The following PTCHD4 variants were observed in gnomAD, a reference collection of about 807,000 sequenced individuals.
The protein encoded by PTCHD4 is patched domain containing 4.
PTCHD4 carries 33 observed loss-of-function variants against 58.1 expected under a neutral mutation model. The ratio of observed to expected loss-of-function variants is 0.57; its 90% confidence interval spans 0.43 to 0.76. The LOEUF (loss-of-function observed/expected upper bound fraction) is 0.76. PTCHD4 is among the 30% of genes least tolerant of loss of function. The pLI is 0.00. For synonymous variants in PTCHD4, 478 were observed against 409.6 expected (o/e 1.17, Z -2.02); for missense variants, 1,058 against 1,027.1 (o/e 1.03, Z -0.41).
intron 4 of PTCHD4, among the ~76,000 whole-genome samples, chr6:47,933,819 C>T (rs892450038): frequency 6.6e-6 from 1 of 152,070 alleles, no homozygotes; most frequent in Non-Finnish European, 1.5e-5. Flanking sequence ...TAAACAATAA[C>T]TGAATTTACC....
chr6:47,947,494 A>G (rs1416742443), intron 4 of PTCHD4, among the ~76,000 whole-genome samples: 1 of 151,944 alleles, frequency 6.6e-6, no homozygotes, highest in African/African-American at 2.4e-5. Context: ...ATCTTTACTA[A>G]ACTCAGTATA....
At chr6:47,954,793 C>G (rs184959686) in intron 4 of PTCHD4, among the ~76,000 whole-genome samples, 1 of 152,240 alleles carries the variant, frequency 6.6e-6, no homozygotes, top group African/African-American at 2.4e-5. Flanking sequence ...TTTATTTACC[C>G]ATCCCTTGGC....
rs1199207894 is a variant in PTCHD4 at position 48,068,714 on chromosome 6, TC to T, written c.6-74del. ...CCCCCATCCCACCCCCTGGGGCCAGTCCCCCCTCCCCACCGCCGCCGCCTCC... is the reference window on the plus strand; with the variant it reads ...CCCCCATCCCACCCCCTGGGGCCAGTCCCCCTCCCCACCGCCGCCGCCTCC... On this transcript the variant is annotated intron_variant, in intron 2 of 4. Coordinates refer to ENST00000339488, the MANE Select transcript of PTCHD4 (RefSeq NM_001384253.1). The surrounding 1 kb of genome is among the most constrained non-coding windows in gnomAD (Gnocchi z 4.2). 3.0e-6 allele frequency: 4 copies of T among 1,342,816 alleles called. No homozygotes were observed. Among genetic ancestry groups the T allele is most frequent in the Non-Finnish European group, 3.9e-6 (4 of 1,032,866 alleles). 83.2% of individuals were successfully genotyped at this position (1,342,816 alleles called of 1,614,324 possible).
At chr6:47,910,445 G>A (rs1405500913) in intron 4 of PTCHD4, among the ~76,000 whole-genome samples, 1 of 152,038 alleles carries the variant, frequency 6.6e-6, no homozygotes, top group African/African-American at 2.4e-5. Flanking sequence ...CTCATTGTGT[G>A]TTTATTTTTT....
In PTCHD4 at chr6:47,859,640, A is replaced by AG. The variant is rs1178874128; in HGVS notation, c.*18662_*18663insC. Among the ~76,000 whole-genome samples the AG allele has an allele frequency of 6.6e-6, 1 of 151,612 alleles. No homozygotes were observed. The highest frequency in any genetic ancestry group is 6.6e-5 in the Admixed American group (1 of 15,196). On this transcript the variant is annotated 3_prime_UTR_variant, in exon 5 of 5. Coordinates refer to ENST00000339488, the MANE Select transcript of PTCHD4 (RefSeq NM_001384253.1). ...GGCTTATAGCAGTTTACAGAGCAGA[A>AG]AAATATCTCTGCCCCCTTAGAGCTT...
At chr6:48,107,090 G>GA (rs1765747151) in intron 1 of PTCHD4, among the ~76,000 whole-genome samples, 1 of 151,472 alleles carries the variant, frequency 6.6e-6, no homozygotes, top group Admixed American at 6.6e-5. Flanking sequence ...CACAGAATTG[G>GA]AAAAAACTAC....
intron 3 of PTCHD4, among the ~76,000 whole-genome samples, chr6:48,067,898 G>A (rs1446332366): frequency 6.6e-6 from 1 of 151,542 alleles, no homozygotes; most frequent in Admixed American, 6.6e-5. Context: ...TTCATTGCCT[G>A]TTTTCTTCAC....
In PTCHD4 at chr6:48,111,073, C is replaced by T. The variant is rs1340757706; in HGVS notation, c.-994G>A. On this transcript the variant is annotated 5_prime_UTR_variant, in exon 1 of 5. Coordinates refer to ENST00000339488, the MANE Select transcript of PTCHD4 (RefSeq NM_001384253.1). ...CCTTCTGGCTTTCGGTTTGGATTGGCGCATGGAGGCAACAACAGAATTGGA... is the reference window on the plus strand; with the variant it reads ...CCTTCTGGCTTTCGGTTTGGATTGGTGCATGGAGGCAACAACAGAATTGGA... Among the ~76,000 whole-genome samples the T allele has an allele frequency of 1.3e-5, 2 of 151,826 alleles. No homozygotes were observed. Among genetic ancestry groups the T allele is most frequent in the Non-Finnish European group, 2.9e-5 (2 of 67,978 alleles).
intron 4 of PTCHD4, among the ~76,000 whole-genome samples, chr6:47,976,243 G>A (rs1253040657): frequency 6.6e-6 from 1 of 152,156 alleles, no homozygotes; most frequent in Non-Finnish European, 1.5e-5. Flanking sequence ...GAGAAAGAAT[G>A]AATTCCTTAG....
At chr6:48,086,305 T>A (rs970588019) in intron 1 of PTCHD4, among the ~76,000 whole-genome samples, 5 of 152,206 alleles carry the variant, frequency 3.3e-5, no homozygotes, top group African/African-American at 1.2e-4. Context: ...TATTCTTTTC[T>A]TATATTCTTA....
chr6:47,988,071 C>G (rs186570315), intron 4 of PTCHD4, among the ~76,000 whole-genome samples: 2 of 152,122 alleles, frequency 1.3e-5, no homozygotes, highest in Non-Finnish European at 2.9e-5. Flanking sequence ...GCCACTGTGC[C>G]TGACCCCAGT....
At chr6:47,949,247 G>C (rs1766535109) in intron 4 of PTCHD4, among the ~76,000 whole-genome samples, 1 of 152,134 alleles carries the variant, frequency 6.6e-6, no homozygotes, top group African/African-American at 2.4e-5. Flanking sequence ...AGCATCCATG[G>C]GAAGGTTTGA....
At chr6:47,995,602 C>T (rs947599980) in intron 4 of PTCHD4, among the ~76,000 whole-genome samples, 8 of 152,162 alleles carry the variant, frequency 5.3e-5, no homozygotes, top group African/African-American at 1.4e-4. Context: ...AAAACAATTT[C>T]TTGACCCATA....
intron 4 of PTCHD4, among the ~76,000 whole-genome samples, chr6:47,960,480 CAT>C (rs1466134820): frequency 6.6e-6 from 1 of 151,880 alleles, no homozygotes; most frequent in African/African-American, 2.4e-5. Context: ...TAAATATAAA[CAT>C]ACGAGTATGT....
chr6:47,949,601 G>A (rs900972207), intron 4 of PTCHD4, among the ~76,000 whole-genome samples: 2 of 152,002 alleles, frequency 1.3e-5, no homozygotes, highest in Non-Finnish European at 2.9e-5. Flanking sequence ...CTGTGTCCTT[G>A]ACTCAAGGTC....
intron 3 of PTCHD4, among the ~76,000 whole-genome samples, chr6:48,042,385 G>A (rs1763877474): frequency 6.6e-6 from 1 of 151,926 alleles, no homozygotes; most frequent in South Asian, 2.1e-4. Context: ...CTTTCTTCCA[G>A]AAATATTAGT....
intron 4 of PTCHD4, among the ~76,000 whole-genome samples, chr6:47,918,077 A>T (rs1341845721): frequency 6.6e-6 from 1 of 152,110 alleles, no homozygotes; most frequent in Non-Finnish European, 1.5e-5. Context: ...GACTCAACAC[A>T]GATGTTATCT....
At chr6:48,048,018 T>TAAAAAAAAA (rs34442679) in intron 3 of PTCHD4, among the ~76,000 whole-genome samples, 1 of 127,736 alleles carries the variant, frequency 7.8e-6, no homozygotes. Flanking sequence ...AGCATTCTAG[T>TAAAAAAAAA]AAAAAAAAAA....
At chr6:48,038,474 TC>T (rs1763726493) in intron 3 of PTCHD4, among the ~76,000 whole-genome samples, 1 of 151,600 alleles carries the variant, frequency 6.6e-6, no homozygotes, top group Non-Finnish European at 1.5e-5. Flanking sequence ...AAACCCCATC[TC>T]TACTTAAAAA....
Sources: allele counts gnomAD v4.1 joint callset (sites outside exome capture counted in the v4.1 genomes callset), GRCh38; gene constraint gnomAD v4.1.1; non-coding constraint Gnocchi (gnomAD v3.1); transcripts MANE v1.5; gene names NCBI Gene and HGNC (gene_info 2026-07-23, HGNC 2026-07-21).